Variants in NELL1 observed in about 807,000 individuals in gnomAD.
The protein encoded by NELL1 is neural EGFL like 1.
In NELL1, 76 loss-of-function variants were observed where a neutral mutation model predicts 107.4. The observed-to-expected ratio is 0.71, with a 90% CI of 0.59 to 0.86. NELL1 has a LOEUF of 0.86. NELL1 is among the 40% of genes least tolerant of loss of function. The pLI is 0.00. For synonymous variants in NELL1, 353 were observed against 341.2 expected (o/e 1.03, Z -0.38); for missense variants, 1,024 against 1,005.5 (o/e 1.02, Z -0.25).
chr11:21,300,808 G>T (rs529755337), intron 14 of NELL1, among the ~76,000 whole-genome samples: 10 of 152,042 alleles, frequency 6.6e-5, no homozygotes, highest in Admixed American at 5.2e-4. Flanking sequence ...CAACGTGCAG[G>T]TTGGTTACAT....
At chr11:20,804,847 A>G (rs1590310663) in intron 3 of NELL1, among the ~76,000 whole-genome samples, 1 of 152,138 alleles carries the variant, frequency 6.6e-6, no homozygotes, top group African/African-American at 2.4e-5. Context: ...GTTGATTTCT[A>G]TCTGAATGAT....
At chr11:21,329,059 G>T (rs1850212599) in intron 14 of NELL1, among the ~76,000 whole-genome samples, 1 of 152,086 alleles carries the variant, frequency 6.6e-6, no homozygotes, top group South Asian at 2.1e-4. Context: ...ATTGGGAAAG[G>T]CATGATTATG....
chr11:20,759,234 T>A (rs2133955420), intron 2 of NELL1, among the ~76,000 whole-genome samples: 1 of 152,318 alleles, frequency 6.6e-6, no homozygotes, highest in African/African-American at 2.4e-5. Flanking sequence ...CATTTAAAAT[T>A]TGGGAGTATT....
intron 14 of NELL1, among the ~76,000 whole-genome samples, chr11:21,290,095 C>T (rs921354154): frequency 6.6e-5 from 10 of 152,240 alleles, no homozygotes; most frequent in African/African-American, 1.7e-4. Flanking sequence ...CCGGGCTGGA[C>T]GCGGTGGCTC....
intron 15 of NELL1, among the ~76,000 whole-genome samples, chr11:21,378,477 T>C (rs984794528): frequency 6.6e-6 from 1 of 151,848 alleles, no homozygotes; most frequent in African/African-American, 2.4e-5. Flanking sequence ...GAGGCACACC[T>C]TCTTACAGTC....
chr11:21,569,810 C>T (rs1857057413), intron 17 of NELL1, among the ~76,000 whole-genome samples: 2 of 151,768 alleles, frequency 1.3e-5, no homozygotes, highest in South Asian at 4.1e-4. Flanking sequence ...AGCACTTCAG[C>T]AGTTGAATAT....
chr11:21,542,499 T>A (rs1459429542), intron 16 of NELL1, among the ~76,000 whole-genome samples: 2 of 152,054 alleles, frequency 1.3e-5, no homozygotes, highest in African/African-American at 4.8e-5. Flanking sequence ...ACTTATTTTA[T>A]TCACTGGACT....
At chr11:21,307,633 G>T (rs946130499) in intron 14 of NELL1, among the ~76,000 whole-genome samples, 1 of 151,942 alleles carries the variant, frequency 6.6e-6, no homozygotes, top group Non-Finnish European at 1.5e-5. Context: ...ATGGAGTAGA[G>T]ATCTAACCAG....
Position 21,452,837 on chromosome 11 carries a change from C to T in NELL1, c.1646-81537C>T, listed in dbSNP as rs565821021. Among the ~76,000 whole-genome samples, 45 of 151,990 alleles carry T rather than the reference C, an allele frequency of 3.0e-4. No homozygotes were observed. The Middle Eastern group carries it at 0.01, about 35-fold the overall frequency. Reference sequence around the variant, plus strand: ...CTTTTAATCACTGGTCTCACAATATCCCACAGATGTTTGTATTTTATATCT... The same window carrying T: ...CTTTTAATCACTGGTCTCACAATATTCCACAGATGTTTGTATTTTATATCT... On this transcript the variant is annotated intron_variant, in intron 15 of 19. Coordinates refer to ENST00000357134, the MANE Select transcript of NELL1 (RefSeq NM_006157.5).
chr11:20,952,634 C>T (rs930317938), intron 11 of NELL1, among the ~76,000 whole-genome samples: 2 of 152,058 alleles, frequency 1.3e-5, no homozygotes, highest in Non-Finnish European at 2.9e-5. Context: ...ATCAAAATGC[C>T]ATCAACTGTG....
chr11:21,265,349 A>G (rs1207296507), intron 14 of NELL1, among the ~76,000 whole-genome samples: 1 of 152,024 alleles, frequency 6.6e-6, no homozygotes, highest in African/African-American at 2.4e-5. Context: ...CACTTCCTCA[A>G]ACAAGGGCTA....
At chr11:21,506,399 T>C (rs952519886) in intron 15 of NELL1, among the ~76,000 whole-genome samples, 1 of 152,230 alleles carries the variant, frequency 6.6e-6, no homozygotes, top group African/African-American at 2.4e-5. Context: ...TATGACTTTA[T>C]GGCCTAATTG....
intron 12 of NELL1, among the ~76,000 whole-genome samples, chr11:21,048,693 G>T (rs1169207238): frequency 6.6e-6 from 1 of 152,142 alleles, no homozygotes; most frequent in Non-Finnish European, 1.5e-5. Context: ...GCTTAGCACT[G>T]TTTACCAACT....
chr11:21,007,816 G>T (rs1293562073), intron 12 of NELL1, among the ~76,000 whole-genome samples: 1 of 151,958 alleles, frequency 6.6e-6, no homozygotes, highest in African/African-American at 2.4e-5. Context: ...TTGAAGTTAA[G>T]GTATGGCCCA....
chr11:20,765,071 T>C (rs902932608), intron 2 of NELL1, among the ~76,000 whole-genome samples: 5 of 151,998 alleles, frequency 3.3e-5, no homozygotes, highest in African/African-American at 1.2e-4. Flanking sequence ...GGTAGGAGGA[T>C]TGCTTAATCC....
At chr11:20,997,956 AC>A (rs1852128056) in intron 12 of NELL1, among the ~76,000 whole-genome samples, 1 of 152,170 alleles carries the variant, frequency 6.6e-6, no homozygotes, top group African/African-American at 2.4e-5. Context: ...TGGGTGATAG[AC>A]CAAGACCCTA....
At chr11:21,078,977 T>G (rs150629849) in intron 12 of NELL1, among the ~76,000 whole-genome samples, 1,687 of 151,800 alleles carry the variant, frequency 0.011, 21 homozygotes, top group African/African-American at 0.039. Flanking sequence ...TTCCCACTTA[T>G]AAAGCAAAAA....
At chr11:21,569,485 G>A (rs1857050398) in intron 17 of NELL1, among the ~76,000 whole-genome samples, 1 of 151,368 alleles carries the variant, frequency 6.6e-6, no homozygotes, top group Non-Finnish European at 1.5e-5. Flanking sequence ...TGATGATGAT[G>A]ATGATGATAT....
chr11:20,882,734 T>G (rs866920784), intron 4 of NELL1, among the ~76,000 whole-genome samples: 3 of 152,326 alleles, frequency 2.0e-5, no homozygotes, highest in South Asian at 4.1e-4. Context: ...TTTACAGATC[T>G]TATTCAAATT....
Sources: gnomAD v4.1 joint callset for allele counts (sites outside exome capture counted in the v4.1 genomes callset) on GRCh38, gnomAD v4.1.1 for gene constraint, MANE v1.5 for transcripts, NCBI Gene and HGNC (gene_info 2026-07-23, HGNC 2026-07-21) for gene names.